Variants in TPRG1 observed in about 807,000 individuals in gnomAD.
TPRG1 encodes the protein tumor protein p63 regulated 1, also known as tumor protein p63-regulated gene 1 protein.
A neutral mutation model predicts 29.3 loss-of-function variants in TPRG1; 29 were observed. The observed-to-expected ratio is 0.99, with a 90% CI of 0.74 to 1.35. The LOEUF (loss-of-function observed/expected upper bound fraction) is 1.35. TPRG1 is among the 40% of genes most tolerant of loss of function. TPRG1 has a pLI of 0.00. For synonymous variants in TPRG1, 130 were observed against 116.8 expected (o/e 1.11, Z -0.73); for missense variants, 327 against 335.0 (o/e 0.98, Z 0.19).
At chr3:189,115,943 C>A (rs977445373) in intron 1 of TPRG1, among the ~76,000 whole-genome samples, 4 of 152,054 alleles carry the variant, frequency 2.6e-5, no homozygotes, top group Non-Finnish European at 5.9e-5. Flanking sequence ...AGATACCACA[C>A]CACACCCAGT....
intron 4 of TPRG1, among the ~76,000 whole-genome samples, chr3:189,074,440 C>G (rs755369590): frequency 2.0e-5 from 3 of 151,838 alleles, no homozygotes; most frequent in Admixed American, 1.3e-4. Flanking sequence ...CTCCTGACCT[C>G]GTGATCTGCC....
chr3:189,272,731 C>G (rs561974389), intron 4 of TPRG1, among the ~76,000 whole-genome samples: 1 of 144,646 alleles, frequency 6.9e-6, no homozygotes, highest in Non-Finnish European at 1.5e-5. Flanking sequence ...TTCCTTCCTT[C>G]CTTCCTTCCT....
At chr3:189,256,220 T>C (rs1008233805) in intron 4 of TPRG1, among the ~76,000 whole-genome samples, 2 of 152,248 alleles carry the variant, frequency 1.3e-5, no homozygotes, top group African/African-American at 4.8e-5. Context: ...GTGTCTTTGT[T>C]GTCATTGGTT....
intron 4 of TPRG1, chr3:189,240,551 C>G (rs1271111010): frequency 3.9e-5 from 6 of 153,086 alleles, no homozygotes; most frequent in African/African-American, 1.2e-4. Flanking sequence ...AAAGGCACAT[C>G]TCACACGGTG....
intron 4 of TPRG1, among the ~76,000 whole-genome samples, chr3:189,150,402 T>C (rs1474875934): frequency 6.6e-6 from 1 of 152,136 alleles, no homozygotes; most frequent in East Asian, 1.9e-4. Flanking sequence ...AGCCTGGTCT[T>C]GAACTCTTGA....
At chr3:189,143,877 G>C (rs929759682) in intron 3 of TPRG1, among the ~76,000 whole-genome samples, 1 of 152,134 alleles carries the variant, frequency 6.6e-6, no homozygotes, top group Non-Finnish European at 1.5e-5. Context: ...AAGACTGGGG[G>C]CTTGAAGCTT....
At chr3:189,175,626 T>C (rs1249043870) in intron 1 of TPRG1, among the ~76,000 whole-genome samples, 2 of 151,962 alleles carry the variant, frequency 1.3e-5, no homozygotes, top group Non-Finnish European at 2.9e-5. Context: ...TTTTCAGAAG[T>C]AACAGAAAAA....
At chr3:189,111,301 A>G (rs1720494819) in intron 1 of TPRG1, among the ~76,000 whole-genome samples, 1 of 152,054 alleles carries the variant, frequency 6.6e-6, no homozygotes, top group Admixed American at 6.6e-5. Context: ...ATATTTTGCA[A>G]GATTTGTACA....
intron 4 of TPRG1, among the ~76,000 whole-genome samples, chr3:189,263,322 A>T (rs944028147): frequency 6.6e-6 from 1 of 152,208 alleles, no homozygotes; most frequent in African/African-American, 2.4e-5. Context: ...GAAGGGGTTT[A>T]TGGGGTGAAT....
At chr3:189,089,974 G>T (rs1235124340) in intron 4 of TPRG1, among the ~76,000 whole-genome samples, 1 of 151,724 alleles carries the variant, frequency 6.6e-6, no homozygotes, top group East Asian at 1.9e-4. Context: ...TGGGGTAATT[G>T]ATTAATCCTA....
At chr3:189,146,079 T>A (rs571659687) in intron 3 of TPRG1, among the ~76,000 whole-genome samples, 101 of 152,322 alleles carry the variant, frequency 6.6e-4, no homozygotes, top group Middle Eastern at 3.4e-3. Context: ...CCTTTTTCTG[T>A]AATAGTCAGA....
intron 4 of TPRG1, among the ~76,000 whole-genome samples, chr3:189,094,473 C>T (rs1237415626): frequency 6.6e-6 from 1 of 152,118 alleles, no homozygotes; most frequent in Admixed American, 6.5e-5. Flanking sequence ...CTGACAATCC[C>T]CGTTAAATGG....
intron 1 of TPRG1, among the ~76,000 whole-genome samples, chr3:189,109,824 C>T (rs1248799841): frequency 1.3e-5 from 2 of 152,160 alleles, no homozygotes; most frequent in African/African-American, 4.8e-5. Context: ...TTCTCCAGTG[C>T]TCCTTTGTAG....
intron 1 of TPRG1, among the ~76,000 whole-genome samples, chr3:189,126,278 T>C (rs1722478770): frequency 6.6e-6 from 1 of 152,184 alleles, no homozygotes; most frequent in South Asian, 2.1e-4. Flanking sequence ...TAAGGTGGCA[T>C]GACCTTCTTC....
chr3:189,288,878 G>A (rs1009782607), intron 4 of TPRG1, among the ~76,000 whole-genome samples: 11 of 152,218 alleles, frequency 7.2e-5, no homozygotes, highest in African/African-American at 2.4e-4. Flanking sequence ...AGCATAAGAT[G>A]GTCTTGCAAG....
chr3:189,233,285 C>G (rs1008718211), intron 3 of TPRG1, among the ~76,000 whole-genome samples: 1 of 151,944 alleles, frequency 6.6e-6, no homozygotes, highest in Non-Finnish European at 1.5e-5. Flanking sequence ...AATAATTTGA[C>G]ACAGCTTTAA....
intron 4 of TPRG1, among the ~76,000 whole-genome samples, chr3:189,034,615 C>T (rs1220067888): frequency 6.6e-6 from 1 of 151,902 alleles, no homozygotes; most frequent in Non-Finnish European, 1.5e-5. Flanking sequence ...TTAGTTTAAA[C>T]AGATAAAAAA....
At chr3:189,155,123 G>C (rs1397536362) in intron 5 of TPRG1, among the ~76,000 whole-genome samples, 1 of 152,138 alleles carries the variant, frequency 6.6e-6, no homozygotes, top group Admixed American at 6.6e-5. Context: ...GAGGGAGCAA[G>C]GGGGAGCCGC....
chr3:189,193,857 T>C (rs1007653395), intron 1 of TPRG1, among the ~76,000 whole-genome samples: 3 of 149,816 alleles, frequency 2.0e-5, no homozygotes, highest in African/African-American at 7.4e-5. Context: ...GGTTGTTTGT[T>C]TCTTGTTCCT....
Sources: allele counts gnomAD v4.1 joint callset (sites outside exome capture counted in the v4.1 genomes callset), GRCh38; gene constraint gnomAD v4.1.1; transcripts MANE v1.5; gene names NCBI Gene and HGNC (gene_info 2026-07-23, HGNC 2026-07-21).